TMEM41B: variants seen among roughly 807,000 people sequenced by gnomAD.
TMEM41B encodes the protein protein stasimon.
A neutral mutation model predicts 31.9 loss-of-function variants in TMEM41B; 18 were observed. That is an observed-to-expected ratio of 0.56 (90% CI 0.39 to 0.84). The LOEUF (loss-of-function observed/expected upper bound fraction) is 0.84. TMEM41B is among the 40% of genes least tolerant of loss of function. The pLI is 0.00. For missense variants in TMEM41B, 322 were observed against 348.0 expected, an observed-to-expected ratio of 0.93 and a Z score of 0.59; for synonymous variants, 144 against 124.3, an observed-to-expected ratio of 1.16 and a Z score of -1.05.
intron 1 of TMEM41B, among the ~76,000 whole-genome samples, chr11:9,309,293 A>G (rs917148940): frequency 6.6e-6 from 1 of 151,994 alleles, no homozygotes; most frequent in Non-Finnish European, 1.5e-5. Context: ...ATGCTGAGCA[A>G]CTGGCTCCAG....
chr11:9,311,306 G>A, intron 1 of TMEM41B: 1 of 1,525,190 alleles, frequency 6.6e-7, no homozygotes. Flanking sequence ...TGGAAGAGGA[G>A]GAGGAATGCT....
rs1303058423 is a variant in TMEM41B at position 9,280,971 on chromosome 11, CAAT to C, written c.*2450_*2452del. The C allele has an allele frequency of 1.3e-5, 2 of 151,550 alleles. No homozygotes were observed. The highest frequency in any genetic ancestry group is 6.6e-5 in the Admixed American group (1 of 15,204). 9.4% of individuals were successfully genotyped at this position (151,550 alleles called of 1,614,324 possible). On this transcript the variant is annotated 3_prime_UTR_variant, in exon 7 of 7. Transcript: ENST00000528080. Reference sequence around the variant, plus strand: ...TGCTGAAGGGTCCTTTCTTGACAGTCAATGATGATGAATCTGGAAAAACTGTCT... The same window carrying C: ...TGCTGAAGGGTCCTTTCTTGACAGTCGATGATGAATCTGGAAAAACTGTCT...
intron 6 of TMEM41B, among the ~76,000 whole-genome samples, chr11:9,284,587 G>A (rs546131537): frequency 8.6e-5 from 13 of 151,970 alleles, no homozygotes; most frequent in African/African-American, 2.2e-4. Flanking sequence ...ACATGATGAA[G>A]CTCCATCTCT....
In TMEM41B at chr11:9,308,238, G is replaced by A. The variant is rs1041067400; in HGVS notation, c.121+6083C>T. Among the ~76,000 whole-genome samples the A allele has an allele frequency of 5.9e-5, 9 of 152,250 alleles. No homozygotes were observed. The East Asian group carries it at 1.8e-3, about 30-fold the overall frequency. On this transcript the variant is annotated intron_variant, in intron 1 of 6. Transcript: ENST00000528080. ...TGCGCCTGTAATCCCAGCTACTGGGGAGGCTGAGGCATGAGAATCACTTGA... is the reference window on the plus strand; with the variant it reads ...TGCGCCTGTAATCCCAGCTACTGGGAAGGCTGAGGCATGAGAATCACTTGA...
intron 1 of TMEM41B, among the ~76,000 whole-genome samples, chr11:9,312,903 C>CAAA (rs36030741): frequency 1.4e-4 from 13 of 95,288 alleles, no homozygotes; most frequent in East Asian, 2.9e-4. Context: ...GACTCCGTCT[C>CAAA]AAAAAAAAAA....
intron 2 of TMEM41B, among the ~76,000 whole-genome samples, 187 bp from the exon 3 acceptor site, chr11:9,295,574 G>A (rs1853065973): frequency 6.6e-6 from 1 of 152,128 alleles, no homozygotes; most frequent in Non-Finnish European, 1.5e-5. Flanking sequence ...TTGCTCTGTT[G>A]CCCAGGCTGC....
chr11:9,292,766 TG>T (rs773006037), intron 3 of TMEM41B, among the ~76,000 whole-genome samples: 3 of 152,128 alleles, frequency 2.0e-5, no homozygotes, highest in Non-Finnish European at 4.4e-5. Context: ...CCCAAAGTGC[TG>T]GGATTATAGG....
chr11:9,284,565 C>T (rs1209569680), intron 6 of TMEM41B, among the ~76,000 whole-genome samples: 6 of 152,014 alleles, frequency 3.9e-5, no homozygotes, highest in African/African-American at 1.4e-4. Context: ...GAGTTTGAGA[C>T]CAGCCTGGCC....
intron 3 of TMEM41B, among the ~76,000 whole-genome samples, chr11:9,292,287 C>T (rs1472022922): frequency 6.6e-6 from 1 of 152,122 alleles, no homozygotes; most frequent in Admixed American, 6.5e-5. Flanking sequence ...CAAAACTATG[C>T]TTCCTTTTAA....
At chr11:9,285,811 A>AC (rs1376935213) in intron 6 of TMEM41B, among the ~76,000 whole-genome samples, 2 of 145,532 alleles carry the variant, frequency 1.4e-5, no homozygotes, top group African/African-American at 2.5e-5. Context: ...AGCAACATTT[A>AC]CAAAAAAAAA....
chr11:9,299,494 A>G lies in TMEM41B; in HGVS notation c.239+90T>C, dbSNP rs1853193644. 4.6e-6 allele frequency: 4 copies of G among 878,854 alleles called. 1 individual carries two copies. The East Asian group carries it at 1.0e-4, about 22-fold the overall frequency. 54.4% of individuals were successfully genotyped at this position (878,854 alleles called of 1,614,324 possible). On this transcript the variant is annotated intron_variant, in intron 2 of 6. Coordinates refer to ENST00000528080, the MANE Select transcript of TMEM41B (RefSeq NM_015012.4). ...CACCTCGGCCTCCCAAAGTGTTGAGATTACAGGCATCAGCTACTGCACTTG... is the reference window on the plus strand; with the variant it reads ...CACCTCGGCCTCCCAAAGTGTTGAGGTTACAGGCATCAGCTACTGCACTTG...
At chr11:9,303,171 C>A (rs1020247114) in intron 1 of TMEM41B, among the ~76,000 whole-genome samples, 1 of 151,906 alleles carries the variant, frequency 6.6e-6, no homozygotes, top group African/African-American at 2.4e-5. Context: ...CATGTGCCAC[C>A]ACACTGGCTA....
At chr11:9,313,183 T>C (rs1339265650) in intron 1 of TMEM41B, among the ~76,000 whole-genome samples, 1 of 152,224 alleles carries the variant, frequency 6.6e-6, no homozygotes, top group Non-Finnish European at 1.5e-5. Flanking sequence ...AGCTGATTTA[T>C]ACATTAACAA....
intron 1 of TMEM41B, among the ~76,000 whole-genome samples, chr11:9,306,963 C>T (rs754489109): frequency 3.3e-5 from 5 of 152,162 alleles, no homozygotes; most frequent in Non-Finnish European, 7.3e-5. Context: ...CATTAAATGT[C>T]AACACACTTC....
rs760274899 is a variant in TMEM41B, at chr11:9,295,397, T to C, written c.240-10A>G. 6.6e-7 allele frequency: 1 copy of C among 1,516,466 alleles called. No homozygotes were observed. Among genetic ancestry groups the C allele is most frequent in the South Asian group, 1.2e-5 (1 of 80,714 alleles). The allele number at this position is 1,516,466 out of a possible 1,614,324, so 93.9% of individuals were successfully genotyped here. A position where few individuals can be genotyped will look rare whatever the true frequency, so the allele number is the denominator to read the frequency against. ...ATTCACTCTTTCTTCTCTGAAGAAA[T>C]AAAGTGAAAAATTTTAGAACAGAAT... On this transcript the variant is annotated splice_polypyrimidine_tract_variant and intron_variant, in intron 2 of 6. Transcript: ENST00000528080.
intron 1 of TMEM41B, among the ~76,000 whole-genome samples, chr11:9,306,709 C>CAA (rs753950881): frequency 3.9e-4 from 59 of 152,110 alleles, no homozygotes; most frequent in Non-Finnish European, 8.2e-4. Context: ...AAGCCAGAAT[C>CAA]ACGCTCTTGG....
In TMEM41B at chr11:9,307,821, C is replaced by T. The variant is rs180976769; in HGVS notation, c.121+6500G>A. ...AGTGCAGTGGCGCAATCTCGGCTCG[C>T]TGCAAGCTCCGCCTCCCAGGTTCAC... On this transcript the variant is annotated intron_variant, in intron 1 of 6. Transcript: ENST00000528080. Among the ~76,000 whole-genome samples, 1,247 of 152,004 alleles carry T rather than the reference C, an allele frequency of 8.2e-3. 18 individuals carry two copies. The highest frequency in any genetic ancestry group is 0.029 in the African/African-American group (1,194 of 41,472).
chr11:9,282,940 G>GAAAAAAAAAAAAAAAAAAAAAAA lies in TMEM41B; in HGVS notation c.*483_*484insTTTTTTTTTTTTTTTTTTTTTTT. The GAAAAAAAAAAAAAAAAAAAAAAA allele has an allele frequency of 1.1e-5, 1 of 92,602 alleles. No homozygotes were observed. The highest frequency in any genetic ancestry group is 3.9e-5 in the African/African-American group (1 of 25,764). 5.7% of individuals were successfully genotyped at this position (92,602 alleles called of 1,614,324 possible). ...CAGAGCTAGACTCCGTCTCAAAACA[G>GAAAAAAAAAAAAAAAAAAAAAAA]AAAAAAAAAAAAAAAAAAAAAGAGG... On this transcript the variant is annotated 3_prime_UTR_variant, in exon 7 of 7. Transcript: ENST00000528080.
chr11:9,306,167 C>T (rs549462410), intron 1 of TMEM41B, among the ~76,000 whole-genome samples: 20 of 151,404 alleles, frequency 1.3e-4, no homozygotes, highest in African/African-American at 4.1e-4. Context: ...TTAGTAGAGA[C>T]GGGGTTTCAC....
Sources: allele counts gnomAD v4.1 joint callset (sites outside exome capture counted in the v4.1 genomes callset), GRCh38; gene constraint gnomAD v4.1.1; transcripts MANE v1.5; gene names NCBI Gene and HGNC (gene_info 2026-07-23, HGNC 2026-07-21).